The following STAT4 variants were observed in gnomAD, a reference collection of about 807,000 sequenced individuals.
STAT4 encodes signal transducer and activator of transcription 4.
In STAT4, 42 loss-of-function variants were observed where a neutral mutation model predicts 110.5. The observed-to-expected ratio is 0.38, with a 90% confidence interval of 0.30 to 0.49. The LOEUF (loss-of-function observed/expected upper bound fraction) is 0.49, where lower values mean the gene tolerates loss of function less well. Ranked by LOEUF, STAT4 falls within the 20% of genes least tolerant of loss-of-function variation. The probability of loss-of-function intolerance (pLI) is 0.95; values close to 1 mark genes in which losing one functional copy is unlikely to be tolerated. For missense variants in STAT4, 632 were observed against 887.9 expected, an observed-to-expected ratio of 0.71 and a Z score of 3.66; for synonymous variants, 284 against 302.2, an observed-to-expected ratio of 0.94 and a Z score of 0.63.
intron 14 of STAT4, among the ~76,000 whole-genome samples, chr2:191,047,292 G>C (rs1374081893): frequency 6.6e-6 from 1 of 152,166 alleles, no homozygotes; most frequent in Non-Finnish European, 1.5e-5. Flanking sequence ...AAATATAAGT[G>C]AAATGTTCCC....
chr2:191,076,152 C>T (rs750899838), intron 4 of STAT4, 75 bp downstream of exon 4: 5 of 1,258,534 alleles, frequency 4.0e-6, no homozygotes, highest in Admixed American at 1.7e-5. Flanking sequence ...CTGTACCCTA[C>T]CAAAGATAAT....
rs1697638575 is a variant in STAT4, at chr2:191,086,444, T to C, written c.274-10119A>G. On this transcript the variant is annotated intron_variant, in intron 3 of 23. Transcript: ENST00000392320. This position sits in a 1 kb window ranked among gnomAD's most constrained non-coding sequence, Gnocchi z 5.5. ...TAAATAAAAGTTCCAGCAAAGCTAA[T>C]TTTAAAAAGAGCCTGTATAGCAAAT... Among the ~76,000 whole-genome samples, 1 of 152,222 alleles carries C rather than the reference T, an allele frequency of 6.6e-6. No individual in the cohort carries two copies. Among genetic ancestry groups the C allele is most frequent in the African/African-American group, 2.4e-5 (1 of 41,466 alleles).
intron 1 of STAT4, 47 bp from the exon 2 acceptor site, chr2:191,148,251 C>A: frequency 1.3e-6 from 2 of 1,577,754 alleles, no homozygotes; most frequent in Non-Finnish European, 1.7e-6. Flanking sequence ...TTGTTCATAG[C>A]CCTAGTACAT....
intron 3 of STAT4, among the ~76,000 whole-genome samples, chr2:191,079,581 G>C (rs984665673): frequency 1.3e-5 from 2 of 151,820 alleles, no homozygotes; most frequent in Non-Finnish European, 2.9e-5. Flanking sequence ...AATTATATCT[G>C]TATATTCTTT....
chr2:191,035,473 G>A lies in STAT4; in HGVS notation c.1570+691C>T, dbSNP rs535468473. ...CTTTGGCCCTAATTTAACTAGAAAC[G>A]CATATAGATCTAATTTTAACTCTTT... On this transcript the variant is annotated intron_variant, in intron 17 of 23. Coordinates refer to ENST00000392320, the MANE Select transcript of STAT4 (RefSeq NM_003151.4). This position sits in a 1 kb window ranked among gnomAD's most constrained non-coding sequence, Gnocchi z 4.7. Among the ~76,000 whole-genome samples the A allele has an allele frequency of 7.2e-5, 11 of 152,256 alleles. No homozygotes were observed. In the South Asian group the frequency reaches 1.0e-3, roughly 14 times the overall value.
At chr2:191,065,116 C>A (rs1030673199) in intron 7 of STAT4, among the ~76,000 whole-genome samples, 158 bp from the exon 8 acceptor site, 9 of 152,020 alleles carry the variant, frequency 5.9e-5, no homozygotes, top group African/African-American at 2.2e-4. Flanking sequence ...CCTTTTCAAA[C>A]AATTAAATTA....
chr2:191,048,669 C>T (rs1218566151), intron 14 of STAT4, among the ~76,000 whole-genome samples: 1 of 151,084 alleles, frequency 6.6e-6, no homozygotes, highest in African/African-American at 2.4e-5. Flanking sequence ...GCTTGTAGTC[C>T]CAGCTACTCA....
chr2:191,143,935 G>A lies in STAT4; in HGVS notation c.273+2678C>T, dbSNP rs1559086982. On this transcript the variant is annotated intron_variant, in intron 3 of 23. Coordinates refer to ENST00000392320, the MANE Select transcript of STAT4 (RefSeq NM_003151.4). This position sits in a 1 kb window ranked among gnomAD's most constrained non-coding sequence, Gnocchi z 5.6. ...AAGCATAAAACTCAGGTTTGTTTAG[G>A]TGTAAAACCATAGCTGACAATGATT... Among the ~76,000 whole-genome samples the A allele has an allele frequency of 6.6e-6, 1 of 152,134 alleles. No individual in the cohort carries two copies. The highest frequency in any genetic ancestry group is 1.5e-5 in the Non-Finnish European group (1 of 68,038).
rs1397348522 is a variant in STAT4, at chr2:191,140,526, A to G, written c.273+6087T>C. 6.6e-6 allele frequency among the ~76,000 whole-genome samples: 1 copy of G among 152,230 alleles called. No individual in the cohort carries two copies. The highest frequency in any genetic ancestry group is 1.5e-5 in the Non-Finnish European group (1 of 68,034). On this transcript the variant is annotated intron_variant, in intron 3 of 23. Transcript: ENST00000392320. The surrounding 1 kb of genome is among the most constrained non-coding windows in gnomAD (Gnocchi z 4.4). ...ACTAATTGTCAGTAAAATACAAATT[A>G]AAAACCACAATGAGATACCACCTTA...
At chr2:191,069,039 A>G (rs1309034926) in intron 6 of STAT4, among the ~76,000 whole-genome samples, 1 of 152,088 alleles carries the variant, frequency 6.6e-6, no homozygotes, top group Admixed American at 6.6e-5. Flanking sequence ...TGACATGAGG[A>G]AATACTTAAA....
Position 191,066,629 on chromosome 2 carries a change from T to C in STAT4, c.545-114A>G, listed in dbSNP as rs1403667323. 3.4e-6 allele frequency: 3 copies of C among 871,556 alleles called. No individual in the cohort carries two copies. The highest frequency in any genetic ancestry group is 2.7e-5 in the East Asian group (1 of 37,340). The allele number at this position is 871,556 out of a possible 1,614,324, so 54.0% of individuals were successfully genotyped here. ...CCGGAGAACTTATGTGGTAAGAGAC[T>C]AATTGGGTTCACTAGAGGTGAGCTT... On this transcript the variant is annotated intron_variant, in intron 6 of 23. Coordinates refer to ENST00000392320, the MANE Select transcript of STAT4 (RefSeq NM_003151.4). This position sits in a 1 kb window ranked among gnomAD's most constrained non-coding sequence, Gnocchi z 4.3.
At chr2:191,111,701 A>G (rs539203857) in intron 3 of STAT4, among the ~76,000 whole-genome samples, 15 of 152,326 alleles carry the variant, frequency 9.8e-5, no homozygotes, top group Non-Finnish European at 1.6e-4. Flanking sequence ...AAAATTAAAA[A>G]TAAATAAAAA....
In STAT4 at chr2:191,086,512, T is replaced by A. The variant is rs985354270; in HGVS notation, c.274-10187A>T. ...TTTATACAAATAATCAGACCAAGTA[T>A]AATTAAACTAAAACTTACTGTGCAA... is the stretch of plus-strand genomic sequence containing the variant. On this transcript the variant is annotated intron_variant, in intron 3 of 23. Coordinates refer to ENST00000392320, the MANE Select transcript of STAT4 (RefSeq NM_003151.4). The surrounding 1 kb of genome is among the most constrained non-coding windows in gnomAD (Gnocchi z 5.5). Among the ~76,000 whole-genome samples, 1 of 152,234 alleles carries A rather than the reference T, an allele frequency of 6.6e-6. No homozygotes were observed.
Position 191,046,894 on chromosome 2 carries a change from T to A in STAT4, c.1252-5746A>T, listed in dbSNP as rs560536993. On this transcript the variant is annotated intron_variant, in intron 14 of 23. Transcript: ENST00000392320. This position sits in a 1 kb window ranked among gnomAD's most constrained non-coding sequence, Gnocchi z 4.6. ...TCCTGGAATTTTCTGGCATTTTCTG[T>A]CCTAATGAAGTGTATCTTGGTGGGC... is the stretch of plus-strand genomic sequence containing the variant. 6.6e-6 allele frequency among the ~76,000 whole-genome samples: 1 copy of A among 152,206 alleles called. No homozygotes were observed. Among genetic ancestry groups the A allele is most frequent in the East Asian group, 1.9e-4 (1 of 5,180 alleles).
In STAT4 at chr2:191,061,949, C is replaced by A; in HGVS notation, c.942-128G>T. The A allele has an allele frequency of 1.3e-6, 1 of 746,780 alleles. No homozygotes were observed. The highest frequency in any genetic ancestry group is 1.5e-5 in the South Asian group (1 of 65,500). The allele number at this position is 746,780 out of a possible 1,614,324, so 46.3% of individuals were successfully genotyped here. ...CTACACTTAGAAGATATTCAAACCCCCAATTAAACTCAAATCTTTACAATG... is the reference window on the plus strand; with the variant it reads ...CTACACTTAGAAGATATTCAAACCCACAATTAAACTCAAATCTTTACAATG... On this transcript the variant is annotated intron_variant, in intron 9 of 23. Coordinates refer to ENST00000392320, the MANE Select transcript of STAT4 (RefSeq NM_003151.4). This position sits in a 1 kb window ranked among gnomAD's most constrained non-coding sequence, Gnocchi z 6.2.
chr2:191,124,630 A>C (rs6738544), intron 3 of STAT4, among the ~76,000 whole-genome samples: 92,463 of 151,804 alleles, frequency 0.61, 28,927 homozygotes, highest in South Asian at 0.78. Context: ...TCCTACTGTA[A>C]ATCACGTAGA....
rs1230107722 is a variant in STAT4 at position 191,110,311 on chromosome 2, G to T, written c.274-33986C>A. ...GATCGGTGTTGGGAGGCATATGAAA[G>T]TTCCCAGGGAGGCTAAAGTCTTCAA... On this transcript the variant is annotated intron_variant, in intron 3 of 23. Coordinates refer to ENST00000392320, the MANE Select transcript of STAT4 (RefSeq NM_003151.4). The surrounding 1 kb of genome is among the most constrained non-coding windows in gnomAD (Gnocchi z 4.5). Among the ~76,000 whole-genome samples the T allele has an allele frequency of 1.3e-5, 2 of 152,170 alleles. No individual in the cohort carries two copies. Among genetic ancestry groups the T allele is most frequent in the African/African-American group, 2.4e-5 (1 of 41,432 alleles).
intron 3 of STAT4, among the ~76,000 whole-genome samples, chr2:191,132,202 C>T (rs561548390): frequency 6.6e-6 from 1 of 151,848 alleles, no homozygotes; most frequent in Non-Finnish European, 1.5e-5. Context: ...ATTGCTCATA[C>T]TGTCTTGGTT....
At chr2:191,151,554 C>T, upstream of STAT4, 1 of 985,566 alleles carries the variant, frequency 1.0e-6, no homozygotes, top group African/African-American at 1.7e-5. This position sits in a 1 kb window ranked among gnomAD's most constrained non-coding sequence, Gnocchi z 4.7. Context: ...CTTGCCCTTC[C>T]TGACCTAGCC....
Sources: allele counts gnomAD v4.1 joint callset (sites outside exome capture counted in the v4.1 genomes callset), GRCh38; gene constraint gnomAD v4.1.1; non-coding constraint Gnocchi (gnomAD v3.1); transcripts MANE v1.5; gene names NCBI Gene and HGNC (gene_info 2026-07-23, HGNC 2026-07-21).